DGKZ: variants seen among roughly 807,000 people sequenced by gnomAD.
DGKZ encodes the protein DAG kinase zeta.
DGKZ carries 45 observed loss-of-function variants against 142.5 expected under a neutral mutation model. That is an observed-to-expected ratio of 0.32 (90% CI 0.25 to 0.40). DGKZ has a LOEUF of 0.40. Ranked by LOEUF, DGKZ falls within the 10% of genes least tolerant of loss-of-function variation. The pLI is 1.00. For synonymous variants in DGKZ, 442 were observed against 527.0 expected (o/e 0.84, Z 2.21); for missense variants, 755 against 1,306.5 (o/e 0.58, Z 6.51).
chr11:46,345,355 C>T (rs991156799), upstream of DGKZ: 6 of 1,394,760 alleles, frequency 4.3e-6, no homozygotes, highest in South Asian at 4.9e-5. This position sits in a 1 kb window ranked among gnomAD's most constrained non-coding sequence, Gnocchi z 4.1. Flanking sequence ...AGGCCCCCCC[C>T]TCGACCCCAC....
In DGKZ at chr11:46,372,535, G is replaced by A. The variant is rs1419555714; in HGVS notation, c.1010+25G>A. On this transcript the variant is annotated intron_variant, in intron 11 of 30. Transcript: ENST00000527911. The surrounding 1 kb of genome is among the most constrained non-coding windows in gnomAD (Gnocchi z 5.9). Reference sequence around the variant, plus strand: ...CGTAAGTACTTGCCAAGGTTTTGTGGGGGACATGGGGGGGAACTTGCCTCA... The same window carrying A: ...CGTAAGTACTTGCCAAGGTTTTGTGAGGGACATGGGGGGGAACTTGCCTCA... 6.2e-7 allele frequency: 1 copy of A among 1,613,948 alleles called. No individual in the cohort carries two copies.
chr11:46,376,776 G>T (rs1054158849), intron 24 of DGKZ: 3 of 722,480 alleles, frequency 4.2e-6, no homozygotes, highest in Non-Finnish European at 6.7e-6. Context: ...AGGCAGTGGG[G>T]TACCTACCAA....
At position 46,333,168 on chromosome 11, in the gene DGKZ, G is replaced by A. The variant is rs902217061; in HGVS notation, c.-108G>A. On this transcript the variant is annotated 5_prime_UTR_variant, in exon 1 of 31. Transcript: ENST00000343674. ...TCGCTAGGGACCTGCGGAACCCGGCGCTCCCCTCCCTCCCCGCCTCGCGTC... is the reference window on the plus strand; with the variant it reads ...TCGCTAGGGACCTGCGGAACCCGGCACTCCCCTCCCTCCCCGCCTCGCGTC... 40 of 1,004,746 alleles carry A rather than the reference G, an allele frequency of 4.0e-5. No homozygotes were observed. In the African/African-American group the frequency reaches 5.4e-4, roughly 14 times the overall value. The allele number at this position is 1,004,746 out of a possible 1,614,324, so 62.2% of individuals were successfully genotyped here. A position where few individuals can be genotyped will look rare whatever the true frequency, so the allele number is the denominator to read the frequency against.
Position 46,367,549 on chromosome 11 carries a change from G to T in DGKZ, c.271-103G>T, listed in dbSNP as rs944150420. ...ACGGAACAGAGCAGGGTCGATCGGG[G>T]CGCTGGAGTGGGTTTGTCTTGGGAG... On this transcript the variant is annotated intron_variant, in intron 2 of 30. Coordinates refer to ENST00000527911, the Ensembl canonical transcript of DGKZ. The surrounding 1 kb of genome is among the most constrained non-coding windows in gnomAD (Gnocchi z 4.1). 7 of 1,267,596 alleles carry T rather than the reference G, an allele frequency of 5.5e-6. No homozygotes were observed. The highest frequency in any genetic ancestry group is 2.7e-4 in the Middle Eastern group (1 of 3,684). 78.5% of individuals were successfully genotyped at this position (1,267,596 alleles called of 1,614,324 possible).
chr11:46,339,815 A>G (rs1278286768), intron 1 of DGKZ, among the ~76,000 whole-genome samples: 6 of 152,202 alleles, frequency 3.9e-5, no homozygotes, highest in African/African-American at 1.4e-4. Flanking sequence ...TGCCTTTCAG[A>G]GTTTTCAGAA....
intron 1 of DGKZ, among the ~76,000 whole-genome samples, chr11:46,353,679 G>C (rs537985448): frequency 6.6e-6 from 1 of 152,280 alleles, no homozygotes; most frequent in South Asian, 2.1e-4. Flanking sequence ...CTGGGGCAGG[G>C]AAGATCGCTT....
intron 14 of DGKZ, among the ~76,000 whole-genome samples, chr11:46,373,900 A>G (rs894944280): frequency 3.9e-5 from 6 of 152,268 alleles, no homozygotes; most frequent in Non-Finnish European, 8.8e-5. Flanking sequence ...TGTGCTCCAC[A>G]TGGCATGTCA....
upstream of DGKZ, among the ~76,000 whole-genome samples, chr11:46,342,535 G>C (rs1940329292): frequency 6.6e-6 from 1 of 152,224 alleles, no homozygotes; most frequent in South Asian, 2.1e-4. Context: ...GCCCTGCACA[G>C]CCTCCTTCCA....
chr11:46,365,839 TTTTTG>T (rs1175252566), intron 1 of DGKZ: 1 of 985,256 alleles, frequency 1.0e-6, no homozygotes, highest in Non-Finnish European at 1.2e-6. Flanking sequence ...CCCCATTTTC[TTTTTG>T]TTTTCTTTTC....
chr11:46,374,495 A>G, intron 16 of DGKZ, 41 bp downstream of exon 16: 1 of 1,613,652 alleles, frequency 6.2e-7, no homozygotes, highest in Non-Finnish European at 8.5e-7. Context: ...CACCTCTTCT[A>G]CCACCCGTGC....
At chr11:46,376,255 T>TC in intron 22 of DGKZ, 73 bp from the exon 23 acceptor site, 1 of 1,607,702 alleles carries the variant, frequency 6.2e-7, no homozygotes, top group Non-Finnish European at 8.5e-7. Flanking sequence ...CTGTGCTGGT[T>TC]CCCCCTACTC....
Position 46,377,475 on chromosome 11 carries a change from GA to G in DGKZ, c.2342+264del, listed in dbSNP as rs1413168711. 54 of 542,824 alleles carry G rather than the reference GA, an allele frequency of 9.9e-5. 1 individual carries two copies. In the East Asian group the frequency reaches 1.8e-3, roughly 18 times the overall value. The allele number at this position is 542,824 out of a possible 1,614,324, so 33.6% of individuals were successfully genotyped here. A position where few individuals can be genotyped will look rare whatever the true frequency, so the allele number is the denominator to read the frequency against. On this transcript the variant is annotated intron_variant, in intron 25 of 30. Coordinates refer to ENST00000527911, the Ensembl canonical transcript of DGKZ. ...CTGGCAGCCCCCGGACCCACCACCTGAGCACTCCTCCCCACCCCTACTGCCA... is the reference window on the plus strand; with the variant it reads ...CTGGCAGCCCCCGGACCCACCACCTGGCACTCCTCCCCACCCCTACTGCCA...
chr11:46,333,113 C>G (rs927009312), exon 1 of DGKZ: 1 of 539,420 alleles, frequency 1.9e-6, no homozygotes, highest in Non-Finnish European at 2.7e-6. Flanking sequence ...CGCCCAGCAT[C>G]TCGCTGCTCC....
intron 27 of DGKZ, 96 bp downstream of exon 27, chr11:46,378,596 T>A: frequency 6.7e-7 from 1 of 1,501,044 alleles, no homozygotes; most frequent in Non-Finnish European, 9.2e-7. Flanking sequence ...CCTGCTCAGG[T>A]GCTGTCATCT....
At chr11:46,359,631 T>C (rs1942413292) in intron 1 of DGKZ, among the ~76,000 whole-genome samples, 1 of 151,748 alleles carries the variant, frequency 6.6e-6, no homozygotes, top group South Asian at 2.1e-4. Flanking sequence ...TGAGATGGAG[T>C]CTCGCTCTGT....
intron 1 of DGKZ, among the ~76,000 whole-genome samples, chr11:46,341,816 G>A (rs1364896857): frequency 6.6e-6 from 1 of 152,190 alleles, no homozygotes; most frequent in South Asian, 2.1e-4. Flanking sequence ...ATGCGAAAAG[G>A]GGGAGGAGGG....
At chr11:46,343,643 C>G (rs1182990135), upstream of DGKZ, among the ~76,000 whole-genome samples, 6 of 152,240 alleles carry the variant, frequency 3.9e-5, no homozygotes, top group African/African-American at 1.4e-4. Flanking sequence ...TGAACTCCAG[C>G]ACAGTTTGGC....
At chr11:46,374,356 G>A in intron 15 of DGKZ, 43 bp from the exon 16 acceptor site, 2 of 1,613,620 alleles carry the variant, frequency 1.2e-6, no homozygotes, top group South Asian at 2.2e-5. Flanking sequence ...CACCTGGGCA[G>A]GCTGGGGTGA....
chr11:46,351,507 T>C (rs1304251983), intron 1 of DGKZ, among the ~76,000 whole-genome samples: 1 of 152,162 alleles, frequency 6.6e-6, no homozygotes, highest in Non-Finnish European at 1.5e-5. Flanking sequence ...AAGCAGCCCC[T>C]GTTTGAGTTG....
Sources: allele counts gnomAD v4.1 joint callset (sites outside exome capture counted in the v4.1 genomes callset), GRCh38; gene constraint gnomAD v4.1.1; non-coding constraint Gnocchi (gnomAD v3.1); transcripts MANE v1.5; gene names NCBI Gene and HGNC (gene_info 2026-07-23, HGNC 2026-07-21).